Variants in INPP5A observed in about 807,000 individuals in gnomAD.
INPP5A encodes the protein 43 kDa inositol polyphosphate 5-phophatase.
Under a neutral mutation model 65.2 loss-of-function variants are expected in INPP5A, and 14 were observed. The ratio of observed to expected loss-of-function variants is 0.21; its 90% CI spans 0.14 to 0.34. The LOEUF is 0.34. INPP5A is among the 10% of genes least tolerant of loss of function. INPP5A has a pLI of 1.00. For missense variants in INPP5A, 431 were observed against 545.6 expected, an observed-to-expected ratio of 0.79 and a Z score of 2.09; for synonymous variants, 207 against 208.3, an observed-to-expected ratio of 0.99 and a Z score of 0.05.
At chr10:132,666,663 A>G (rs1035916637) in intron 4 of INPP5A, among the ~76,000 whole-genome samples, 4 of 152,268 alleles carry the variant, frequency 2.6e-5, no homozygotes, top group Non-Finnish European at 5.9e-5. Context: ...GAGCCGAAAC[A>G]TCTTTCAAAC....
At chr10:132,576,940 C>T (rs144661347) in intron 1 of INPP5A, among the ~76,000 whole-genome samples, 67 of 152,312 alleles carry the variant, frequency 4.4e-4, no homozygotes, top group African/African-American at 1.2e-3. Flanking sequence ...TGGTCACACC[C>T]GCTGAATTGC....
intron 5 of INPP5A, among the ~76,000 whole-genome samples, chr10:132,694,750 AAAG>A (rs1845319543): frequency 6.6e-6 from 1 of 152,218 alleles, no homozygotes; most frequent in African/African-American, 2.4e-5. Context: ...AAGGATAATA[AAAG>A]AATATCATTA....
intron 12 of INPP5A, among the ~76,000 whole-genome samples, chr10:132,769,931 A>C (rs1846920020): frequency 1.3e-5 from 2 of 152,110 alleles, no homozygotes; most frequent in South Asian, 4.2e-4. Context: ...TGAATTTCTA[A>C]TTTTTAGTTT....
intron 1 of INPP5A, among the ~76,000 whole-genome samples, chr10:132,554,782 G>A (rs2071103640): frequency 6.6e-6 from 1 of 151,716 alleles, no homozygotes; most frequent in Non-Finnish European, 1.5e-5. Context: ...GATGTGGGTA[G>A]CGTGGTTGGT....
intron 2 of INPP5A, among the ~76,000 whole-genome samples, chr10:132,626,368 A>T (rs940824398): frequency 6.6e-6 from 1 of 152,042 alleles, no homozygotes; most frequent in African/African-American, 2.4e-5. Context: ...CCTCAGGGAG[A>T]CTGTTGGCTG....
Position 132,545,032 on chromosome 10 carries a change from G to A in INPP5A, c.75+6861G>A, listed in dbSNP as rs1410601631. Among the ~76,000 whole-genome samples the A allele has an allele frequency of 6.6e-6, 1 of 152,178 alleles. No individual in the cohort carries two copies. The highest frequency in any genetic ancestry group is 6.5e-5 in the Admixed American group (1 of 15,284). On this transcript the variant is annotated intron_variant, in intron 1 of 15. Coordinates refer to ENST00000368594, the MANE Select transcript of INPP5A (RefSeq NM_005539.5). This position sits in a 1 kb window ranked among gnomAD's most constrained non-coding sequence, Gnocchi z 4.6. ...GGCAGTGTTGGGAGAATGTCTGCACGTAGGCGTGGTCACGTCCGTCCCTGT... is the reference window on the plus strand; with the variant it reads ...GGCAGTGTTGGGAGAATGTCTGCACATAGGCGTGGTCACGTCCGTCCCTGT...
At chr10:132,636,189 A>G (rs1191159818) in intron 2 of INPP5A, among the ~76,000 whole-genome samples, 3 of 67,422 alleles carry the variant, frequency 4.4e-5, no homozygotes, top group Non-Finnish European at 6.4e-5. Context: ...GTGTGTGTGT[A>G]TTTTCTATAC....
In INPP5A at chr10:132,753,759, C is replaced by G. The variant is rs1352469366; in HGVS notation, c.903+3914C>G. ...CCAGGTGCATTGATTTTCTGGGCCT[C>G]TTTCCTTTATCAGCGCCAGTGTCTC... is the stretch of plus-strand genomic sequence containing the variant. On this transcript the variant is annotated intron_variant, in intron 11 of 15. Transcript: ENST00000368594. This position sits in a 1 kb window ranked among gnomAD's most constrained non-coding sequence, Gnocchi z 5.3. The G allele has an allele frequency of 6.6e-6, 1 of 152,160 alleles. No individual in the cohort carries two copies. The highest frequency in any genetic ancestry group is 1.5e-5 in the Non-Finnish European group (1 of 68,038). 9.4% of individuals were successfully genotyped at this position (152,160 alleles called of 1,614,324 possible). A position where few individuals can be genotyped will look rare whatever the true frequency, so the allele number is the denominator to read the frequency against.
In INPP5A at chr10:132,749,771, G is replaced by T; in HGVS notation, c.829G>T (p.Val277Phe). The change falls in exon 11 of 16, where the codon GTT (valine) becomes TTT (phenylalanine). Residue 277 changes from valine (V) to phenylalanine (F), a missense_variant and splice_region_variant. Val to Phe is a conservative substitution (Grantham distance 50). Coordinates refer to ENST00000368594, the MANE Select transcript of INPP5A (RefSeq NM_005539.5). ...IFRESDNDRK[V>F]MLQLEKKLFD... The stretch of plus-strand genomic sequence containing the variant: ...CTCATGGGCCACTCTGACTTCACAG[G>T]TTATGCTCCAGTTAGAAAAGAAACT... 1 of 1,613,084 alleles carries T rather than the reference G, an allele frequency of 6.2e-7. No homozygotes were observed. The highest frequency in any genetic ancestry group is 8.5e-7 in the Non-Finnish European group (1 of 1,179,930).
chr10:132,779,354 C>T (rs1847119049), intron 13 of INPP5A, among the ~76,000 whole-genome samples: 1 of 152,256 alleles, frequency 6.6e-6, no homozygotes, highest in East Asian at 1.9e-4. Flanking sequence ...GGGCTGCCAC[C>T]AGCGGGGCAG....
At chr10:132,576,514 G>A (rs557475412) in intron 1 of INPP5A, among the ~76,000 whole-genome samples, 1 of 152,252 alleles carries the variant, frequency 6.6e-6, no homozygotes, top group South Asian at 2.1e-4. Context: ...GCAGCTGGGA[G>A]GGGTCCTCTG....
chr10:132,743,840 G>A (rs369712630), intron 9 of INPP5A, among the ~76,000 whole-genome samples: 27 of 151,940 alleles, frequency 1.8e-4, no homozygotes, highest in Admixed American at 3.9e-4. Context: ...CTCCAAGGCC[G>A]GCCCCGGGGC....
Position 132,650,190 on chromosome 10 carries a change from G to C in INPP5A, c.219-228G>C, listed in dbSNP as rs543093823. The stretch of plus-strand genomic sequence containing the variant: ...CAGACCCCGGCATCTCACAGGCTGC[G>C]TGGAGACCAGAGCCTGTGGGAGCTT... On this transcript the variant is annotated intron_variant, in intron 3 of 15. Transcript: ENST00000368594. The surrounding 1 kb of genome is among the most constrained non-coding windows in gnomAD (Gnocchi z 5.5). Among the ~76,000 whole-genome samples, 1 of 152,194 alleles carries C rather than the reference G, an allele frequency of 6.6e-6. No individual in the cohort carries two copies. Among genetic ancestry groups the C allele is most frequent in the African/African-American group, 2.4e-5 (1 of 41,452 alleles).
chr10:132,649,854 A>G lies in INPP5A; in HGVS notation c.219-564A>G, dbSNP rs1196375058. Among the ~76,000 whole-genome samples the G allele has an allele frequency of 2.6e-4, 40 of 152,180 alleles. 1 individual carries two copies. Among genetic ancestry groups the G allele is most frequent in the Admixed American group, 2.6e-3 (40 of 15,276 alleles). On this transcript the variant is annotated intron_variant, in intron 3 of 15. Coordinates refer to ENST00000368594, the MANE Select transcript of INPP5A (RefSeq NM_005539.5). The stretch of plus-strand genomic sequence containing the variant: ...TCCTTAAGGCCTTCCTGATGATAAA[A>G]TGTGACCAGTAGGATGAACGGTCGG...
rs1194409255 is a variant in INPP5A at position 132,780,934 on chromosome 10, T to A, written c.1158+17T>A. The A allele has an allele frequency of 7.4e-7, 1 of 1,343,568 alleles. No individual in the cohort carries two copies. Among genetic ancestry groups the A allele is most frequent in the Non-Finnish European group, 1.0e-6 (1 of 1,000,280 alleles). 83.2% of individuals were successfully genotyped at this position (1,343,568 alleles called of 1,614,324 possible). The stretch of plus-strand genomic sequence containing the variant: ...GACCACAAGGTGACATAGACTGAGG[T>A]CCAGGGGCCAGGCTGGGGGACCAAG... On this transcript the variant is annotated intron_variant, in intron 14 of 15. Transcript: ENST00000368594.
At chr10:132,740,558 C>T (rs1330220179) in intron 9 of INPP5A, among the ~76,000 whole-genome samples, 1 of 152,158 alleles carries the variant, frequency 6.6e-6, no homozygotes, top group Non-Finnish European at 1.5e-5. Flanking sequence ...GTAATGATTT[C>T]CTATTAACTC....
intron 8 of INPP5A, among the ~76,000 whole-genome samples, chr10:132,712,766 T>C (rs1250072256): frequency 7.1e-6 from 1 of 141,418 alleles, no homozygotes; most frequent in Non-Finnish European, 1.6e-5. Flanking sequence ...GTCTGTGTAT[T>C]TGGGTGTGTG....
chr10:132,548,792 C>CTTTTTTTTTTTTTTTTT (rs71013535), intron 1 of INPP5A, among the ~76,000 whole-genome samples: 1 of 79,270 alleles, frequency 1.3e-5, no homozygotes, highest in East Asian at 4.0e-4. Context: ...GTTTATCTGG[C>CTTTTTTTTTTTTTTTTT]TTTTTTTTTT....
rs929333687 is a variant in INPP5A at position 132,555,445 on chromosome 10, G to C, written c.75+17274G>C. On this transcript the variant is annotated intron_variant, in intron 1 of 15. Coordinates refer to ENST00000368594, the MANE Select transcript of INPP5A (RefSeq NM_005539.5). This position sits in a 1 kb window ranked among gnomAD's most constrained non-coding sequence, Gnocchi z 4.4. Reference sequence around the variant, plus strand: ...CCGGAAGGGGAAGAAGGGGGGCTTGGGCTGGGGCGTGGCCACGCTGGGAGG... The same window carrying C: ...CCGGAAGGGGAAGAAGGGGGGCTTGCGCTGGGGCGTGGCCACGCTGGGAGG... Among the ~76,000 whole-genome samples the C allele has an allele frequency of 1.3e-5, 2 of 152,042 alleles. No homozygotes were observed. Among genetic ancestry groups the C allele is most frequent in the African/African-American group, 4.8e-5 (2 of 41,368 alleles).
Sources: gnomAD v4.1 joint callset for allele counts (sites outside exome capture counted in the v4.1 genomes callset) on GRCh38, gnomAD v4.1.1 for gene constraint, Gnocchi (gnomAD v3.1) non-coding constraint, MANE v1.5 for transcripts, NCBI Gene and HGNC (gene_info 2026-07-23, HGNC 2026-07-21) for gene names.